ADAMTS14: variants seen among roughly 807,000 people sequenced by gnomAD.
The protein encoded by ADAMTS14 is ADAM metallopeptidase with thrombospondin type 1 motif 14.
Under a neutral mutation model 128.6 loss-of-function variants are expected in ADAMTS14, and 100 were observed. The observed-to-expected ratio is 0.78, with a 90% CI of 0.66 to 0.92. ADAMTS14 has a LOEUF of 0.92. Ranked by LOEUF, ADAMTS14 falls within the 40% of genes least tolerant of loss-of-function variation. ADAMTS14 has a pLI of 0.00. For synonymous variants in ADAMTS14, 665 were observed against 653.8 expected, an observed-to-expected ratio of 1.02 and a Z score of -0.26; for missense variants, 1,562 against 1,658.6, an observed-to-expected ratio of 0.94 and a Z score of 1.01.
rs1303680675 is a variant in ADAMTS14, at chr10:70,757,896, C to T, written c.2938-66C>T. 2.6e-5 allele frequency: 40 copies of T among 1,523,374 alleles called. No homozygotes were observed. In the Admixed American group the frequency reaches 3.7e-4, roughly 14 times the overall value. 94.4% of individuals were successfully genotyped at this position (1,523,374 alleles called of 1,614,324 possible). A position where few individuals can be genotyped will look rare whatever the true frequency, so the allele number is the denominator to read the frequency against. On this transcript the variant is annotated intron_variant, in intron 19 of 21. Coordinates refer to ENST00000373207, the MANE Select transcript of ADAMTS14 (RefSeq NM_080722.4). The stretch of plus-strand genomic sequence containing the variant: ...TGGCTGGGCTCTGAGCTCACTGACT[C>T]GTCTTTCTTCTCTCCACCTACCCTG...
chr10:70,712,614 T>C (rs1425644112), intron 4 of ADAMTS14, among the ~76,000 whole-genome samples: 1 of 152,040 alleles, frequency 6.6e-6, no homozygotes, highest in East Asian at 1.9e-4. Flanking sequence ...GAAGGCTGTT[T>C]AGCCTCTGCC....
chr10:70,715,795 G>A (rs1841019399), intron 4 of ADAMTS14, among the ~76,000 whole-genome samples: 2 of 152,170 alleles, frequency 1.3e-5, no homozygotes, highest in South Asian at 4.1e-4. Context: ...TTCAGAAGGG[G>A]GTAGGAAGCC....
In ADAMTS14 at chr10:70,734,002, C is replaced by T. The variant is rs1343866886; in HGVS notation, c.1326C>T (p.Ser442=). 1 of 1,613,502 alleles carries T rather than the reference C, an allele frequency of 6.2e-7. No individual in the cohort carries two copies. Among genetic ancestry groups the T allele is most frequent in the African/African-American group, 1.3e-5 (1 of 74,916 alleles). Residue 442 remains serine (S), a synonymous_variant, in exon 8 of 22, where the codon AGC becomes AGT. Transcript: ENST00000373207. ...AFHRFHWSRC[S]KLELSRYLPS... ...ACCGCTTCCATTGGTCCCGCTGCAG[C>T]AAGCTGGAGCTCAGCCGCTACCTCC...
At chr10:70,732,406 G>A (rs368530258) in intron 7 of ADAMTS14, 47 bp downstream of exon 7, 3 of 1,506,552 alleles carry the variant, frequency 2.0e-6, no homozygotes, top group African/African-American at 2.7e-5. Context: ...TGTGCCGTGA[G>A]CTCCAGGGAA....
In ADAMTS14 at chr10:70,757,890, C is replaced by G. The variant is rs564518257; in HGVS notation, c.2938-72C>G. 7.2e-6 allele frequency: 11 copies of G among 1,521,176 alleles called. No homozygotes were observed. In the South Asian group the frequency reaches 1.2e-4, roughly 16 times the overall value. The allele number at this position is 1,521,176 out of a possible 1,614,324, so 94.2% of individuals were successfully genotyped here. On this transcript the variant is annotated intron_variant, in intron 19 of 21. Transcript: ENST00000373207. ...GGGCACTGGCTGGGCTCTGAGCTCA[C>G]TGACTCGTCTTTCTTCTCTCCACCT...
chr10:70,754,623 G>GGAGGGATAGGGGCTGGGAGGGAC (rs1842435873), intron 19 of ADAMTS14, among the ~76,000 whole-genome samples: 1 of 152,182 alleles, frequency 6.6e-6, no homozygotes, highest in Admixed American at 6.5e-5. Flanking sequence ...AGTGGGGCTG[G>GGAGGGATAGGGGCTGGGAGGGAC]AGCTGACTGG....
intron 18 of ADAMTS14, 51 bp downstream of exon 18, chr10:70,752,278 GC>G: frequency 6.3e-7 from 1 of 1,597,672 alleles, no homozygotes; most frequent in Non-Finnish European, 8.5e-7. Flanking sequence ...CCTAGCCCGG[GC>G]CCCAGGCAGC....
At chr10:70,683,987 A>G (rs747510428) in intron 2 of ADAMTS14, among the ~76,000 whole-genome samples, 5 of 152,116 alleles carry the variant, frequency 3.3e-5, no homozygotes, top group Non-Finnish European at 1.5e-5. Flanking sequence ...GAGGCTGGGT[A>G]ATTTAGAAAG....
In ADAMTS14 at chr10:70,736,798, C is replaced by T; in HGVS notation, c.1599+5C>T. Reference sequence around the variant, plus strand: ...ACTGAGTGTGCACCCGGCAAGGTACCTGTGGGGTGTGCAGCAGGAGTGGCC... The same window carrying T: ...ACTGAGTGTGCACCCGGCAAGGTACTTGTGGGGTGTGCAGCAGGAGTGGCC... On this transcript the variant is annotated splice_donor_5th_base_variant and intron_variant, in intron 10 of 21. Transcript: ENST00000373207. 2 of 1,612,962 alleles carry T rather than the reference C, an allele frequency of 1.2e-6. No homozygotes were observed. The highest frequency in any genetic ancestry group is 1.7e-5 in the Admixed American group (1 of 59,902).
At chr10:70,728,907 A>G (rs991377537) in intron 4 of ADAMTS14, among the ~76,000 whole-genome samples, 1 of 152,172 alleles carries the variant, frequency 6.6e-6, no homozygotes, top group Non-Finnish European at 1.5e-5. Context: ...AACGGTACAC[A>G]GGGATGTTAG....
At chr10:70,691,987 G>T (rs536575311) in intron 2 of ADAMTS14, among the ~76,000 whole-genome samples, 1 of 152,142 alleles carries the variant, frequency 6.6e-6, no homozygotes, top group South Asian at 2.1e-4. Context: ...CCCTCTTCTT[G>T]CCATTCCACT....
chr10:70,752,050 G>A (rs765810260), intron 17 of ADAMTS14, 45 bp from the exon 18 acceptor site: 9 of 1,578,320 alleles, frequency 5.7e-6, no homozygotes, highest in South Asian at 2.4e-5. Flanking sequence ...AGGGCAATGG[G>A]GGGCCTGGCT....
At chr10:70,722,672 C>T (rs999173904) in intron 4 of ADAMTS14, among the ~76,000 whole-genome samples, 1 of 152,158 alleles carries the variant, frequency 6.6e-6, no homozygotes, top group African/African-American at 2.4e-5. Context: ...ATCCCCAAAC[C>T]ATGGGGGTGT....
intron 15 of ADAMTS14, 31 bp downstream of exon 15, chr10:70,745,337 A>C (rs1227457651): frequency 1.2e-5 from 19 of 1,609,930 alleles, no homozygotes; most frequent in Non-Finnish European, 1.6e-5. Flanking sequence ...AGGGGACAGC[A>C]GGGCCCCAGG....
chr10:70,753,804 G>A lies in ADAMTS14; in HGVS notation c.2734G>A (p.Val912Met), dbSNP rs1387903449. 1.0e-5 allele frequency: 16 copies of A among 1,574,636 alleles called. No homozygotes were observed. The highest frequency in any genetic ancestry group is 1.4e-5 in the Non-Finnish European group (16 of 1,159,534). The stretch of plus-strand genomic sequence containing the variant: ...CTCCTTTCACCCTGTTTCCAGGTGG[G>A]TGACGGAGGAGTGGGGTGCCTGCAG... ...NQHPCSQPVWVTEEWGACSRS... is the reference protein window; with the variant it reads ...NQHPCSQPVWMTEEWGACSRS... The change falls in exon 19 of 22, where the codon GTG (valine) becomes ATG (methionine). Residue 912 changes from valine (V) to methionine (M), a missense_variant. Transcript: ENST00000373207.
chr10:70,679,152 A>G (rs1839729324), intron 2 of ADAMTS14, among the ~76,000 whole-genome samples: 1 of 152,154 alleles, frequency 6.6e-6, no homozygotes, highest in Non-Finnish European at 1.5e-5. Flanking sequence ...GCATCTAGGA[A>G]GGTTCCCTGG....
intron 4 of ADAMTS14, among the ~76,000 whole-genome samples, chr10:70,712,727 G>A (rs138148448): frequency 5.5e-4 from 84 of 152,282 alleles, no homozygotes; most frequent in African/African-American, 1.9e-3. Context: ...ATCCGATTCC[G>A]ATAAGGGGGA....
chr10:70,753,602 C>T (rs191230140), intron 18 of ADAMTS14, among the ~76,000 whole-genome samples, 198 bp from the exon 19 acceptor site: 2 of 152,336 alleles, frequency 1.3e-5, no homozygotes, highest in Non-Finnish European at 2.9e-5. Context: ...CGAGACACAG[C>T]AGGAGAGAAG....
At chr10:70,748,491 G>A (rs1033981802) in intron 15 of ADAMTS14, among the ~76,000 whole-genome samples, 1 of 152,160 alleles carries the variant, frequency 6.6e-6, no homozygotes, top group African/African-American at 2.4e-5. Flanking sequence ...AGCCTCCCAG[G>A]AAGGGGCGAG....
Sources: allele counts gnomAD v4.1 joint callset (sites outside exome capture counted in the v4.1 genomes callset), GRCh38; gene constraint gnomAD v4.1.1; transcripts MANE v1.5; gene names NCBI Gene and HGNC (gene_info 2026-07-23, HGNC 2026-07-21).